Variants in SLC4A4 observed in about 807,000 individuals in gnomAD.
The protein encoded by SLC4A4 is solute carrier family 4 member 4.
A neutral mutation model predicts 111.5 loss-of-function variants in SLC4A4; 27 were observed. The observed-to-expected ratio is 0.24, with a 90% CI of 0.18 to 0.33. SLC4A4 has a LOEUF of 0.33. SLC4A4 is among the 10% of genes least tolerant of loss of function. The pLI, the probability that SLC4A4 is intolerant of heterozygous loss-of-function variation, is 1.00. For missense variants in SLC4A4, 909 were observed against 1,315.5 expected, an observed-to-expected ratio of 0.69 and a Z score of 4.78; for synonymous variants, 443 against 463.4, an observed-to-expected ratio of 0.96 and a Z score of 0.57.
intron 15 of SLC4A4, among the ~76,000 whole-genome samples, chr4:71,495,820 T>C (rs1730350322): frequency 6.6e-6 from 1 of 152,088 alleles, no homozygotes; most frequent in Admixed American, 6.6e-5. Context: ...GACATATCCA[T>C]TAGCCCTGGA....
chr4:71,092,911 A>G (rs900660288), intron 2 of SLC4A4, among the ~76,000 whole-genome samples: 13 of 152,118 alleles, frequency 8.5e-5, no homozygotes, highest in Non-Finnish European at 1.9e-4. Flanking sequence ...CCTGGCCAAC[A>G]TGGTGAAACC....
chr4:71,213,139 C>T (rs1255116787), intron 1 of SLC4A4, among the ~76,000 whole-genome samples: 2 of 152,192 alleles, frequency 1.3e-5, no homozygotes, highest in Non-Finnish European at 2.9e-5. Flanking sequence ...ACAAAATTGA[C>T]AAACGATGCA....
chr4:71,159,214 A>G (rs1744557244), intron 2 of SLC4A4, among the ~76,000 whole-genome samples: 3 of 152,216 alleles, frequency 2.0e-5, no homozygotes, highest in Admixed American at 2.0e-4. Context: ...TGCATTGTGG[A>G]TAGCTGAATG....
chr4:71,167,149 GGAGGTTCCTT>G (rs1410237230), intron 2 of SLC4A4, among the ~76,000 whole-genome samples: 9 of 152,212 alleles, frequency 5.9e-5, no homozygotes, highest in Non-Finnish European at 1.2e-4. Context: ...GGAATCATTT[GGAGGTTCCTT>G]GACTCACATG....
At chr4:71,312,758 C>T (rs753613779) in intron 3 of SLC4A4, among the ~76,000 whole-genome samples, 24 of 152,036 alleles carry the variant, frequency 1.6e-4, no homozygotes, top group Non-Finnish European at 2.6e-4. Context: ...AAGTAGGTAT[C>T]GATGGGACAT....
intron 1 of SLC4A4, among the ~76,000 whole-genome samples, chr4:71,225,350 TAA>T (rs74266859): frequency 6.2e-5 from 9 of 144,240 alleles, no homozygotes; most frequent in Admixed American, 2.8e-4. Context: ...AGACTCCGTT[TAA>T]AAAAAAAAAA....
In SLC4A4 at chr4:71,117,064, C is replaced by T. The variant is rs551400724; in HGVS notation, c.-2+24272C>T. Among the ~76,000 whole-genome samples, 20 of 152,272 alleles carry T rather than the reference C, an allele frequency of 1.3e-4. No individual in the cohort carries two copies. The East Asian group carries it at 3.9e-3, about 29-fold the overall frequency. On this transcript the variant is annotated intron_variant, in intron 2 of 26. Transcript: ENST00000649996. ...TGACCATGGCTCACTAAAGCCCCAA[C>T]CTCTTGGGCCCAAGTGATCCTTTCA...
At chr4:71,328,405 A>G (rs2148875104) in intron 3 of SLC4A4, among the ~76,000 whole-genome samples, 1 of 152,158 alleles carries the variant, frequency 6.6e-6, no homozygotes, top group East Asian at 1.9e-4. Context: ...AGAAACTTCC[A>G]CGCTATTCTC....
At position 71,497,570 on chromosome 4, in the gene SLC4A4, G is replaced by T; in HGVS notation, c.2044G>T (p.Val682Phe). Residue 682 changes from valine to phenylalanine, a missense_variant, in exon 16 of 26, where the codon GTC (valine) becomes TTC (phenylalanine). Val to Phe is a conservative substitution (Grantham distance 50). Around this residue, in one of 7 missense-constraint regions of SLC4A4, gnomAD observed 264 missense variants for 356.8 expected, o/e 0.74. Transcript: ENST00000264485. ...GTGTTCAAAATACGGAGGAAACCTC[G>T]TCGGGAACAACTGTAATTTTGTTCC... ...KECSKYGGNL[V>F]GNNCNFVPDI... is the part of the protein sequence containing the mutation. 1 of 1,613,520 alleles carries T rather than the reference G, an allele frequency of 6.2e-7. No individual in the cohort carries two copies.
intron 3 of SLC4A4, among the ~76,000 whole-genome samples, chr4:71,294,775 G>T (rs1323863912): frequency 2.0e-5 from 3 of 152,196 alleles, no homozygotes; most frequent in African/African-American, 4.8e-5. Flanking sequence ...CGGACTTGCT[G>T]CTTCAAAAGT....
intron 16 of SLC4A4, among the ~76,000 whole-genome samples, chr4:71,512,965 A>G (rs1308041898): frequency 1.3e-5 from 2 of 152,052 alleles, no homozygotes; most frequent in Non-Finnish European, 2.9e-5. Context: ...TTTCTGGATT[A>G]TCTACTCCGT....
At chr4:71,553,439 G>A (rs1350985626) in intron 20 of SLC4A4, among the ~76,000 whole-genome samples, 7 of 151,830 alleles carry the variant, frequency 4.6e-5, no homozygotes. Flanking sequence ...TGAGGCCAGG[G>A]ATGGTCCCTT....
intron 7 of SLC4A4, among the ~76,000 whole-genome samples, chr4:71,421,157 G>T (rs1270060278): frequency 6.6e-6 from 1 of 150,472 alleles, no homozygotes; most frequent in African/African-American, 2.4e-5. Context: ...CAAGCAAATG[G>T]AAAACAAAAA....
At chr4:71,327,018 G>C (rs1360916994) in intron 3 of SLC4A4, among the ~76,000 whole-genome samples, 1 of 151,976 alleles carries the variant, frequency 6.6e-6, no homozygotes, top group African/African-American at 2.4e-5. Context: ...ACTCTGCAAA[G>C]AAGAAAATGT....
intron 2 of SLC4A4, among the ~76,000 whole-genome samples, chr4:71,158,763 G>A (rs1030614558): frequency 3.9e-5 from 6 of 152,116 alleles, no homozygotes; most frequent in Non-Finnish European, 5.9e-5. Flanking sequence ...CATTGTGTTC[G>A]TGTTCTGGGT....
intron 2 of SLC4A4, among the ~76,000 whole-genome samples, chr4:71,240,698 G>C (rs979463451): frequency 6.6e-6 from 1 of 152,180 alleles, no homozygotes; most frequent in Non-Finnish European, 1.5e-5. Flanking sequence ...GGACAGGGTA[G>C]ATATTCACTA....
At chr4:71,251,741 G>GATCACTTCTTCCTCATACATTAAAC (rs1721084190) in intron 2 of SLC4A4, among the ~76,000 whole-genome samples, 1 of 152,136 alleles carries the variant, frequency 6.6e-6, no homozygotes, top group Admixed American at 6.6e-5. Flanking sequence ...CATTTAAAAC[G>GATCACTTCTTCCTCATACATTAAAC]ATCACTTCTT....
intron 3 of SLC4A4, 65 bp from the exon 4 acceptor site, chr4:71,339,305 C>T (rs1728693658): frequency 1.9e-6 from 3 of 1,614,056 alleles, no homozygotes; most frequent in Non-Finnish European, 2.5e-6. Context: ...GAGGAAGAGC[C>T]CGGAGCTCCA....
chr4:71,357,859 T>C (rs962694489), intron 6 of SLC4A4, among the ~76,000 whole-genome samples: 28 of 152,184 alleles, frequency 1.8e-4, no homozygotes, highest in African/African-American at 6.8e-4. Context: ...TTTTGTATCA[T>C]GGCGTTTGTT....
Sources: allele counts gnomAD v4.1 joint callset (sites outside exome capture counted in the v4.1 genomes callset), GRCh38; gene constraint gnomAD v4.1.1; regional missense constraint gnomAD v4.1.1; transcripts MANE v1.5; gene names NCBI Gene and HGNC (gene_info 2026-07-23, HGNC 2026-07-21).